Variants in PHEX observed in about 807,000 individuals in gnomAD.
PHEX encodes phosphate regulating endopeptidase X-linked.
PHEX carries 16 observed loss-of-function variants against 68.0 expected under a neutral mutation model. The observed-to-expected ratio is 0.24, with a 90% confidence interval of 0.16 to 0.36. The LOEUF (loss-of-function observed/expected upper bound fraction) is 0.36, where lower values mean the gene tolerates loss of function less well. Among genes scored for constraint, PHEX ranks in the 10% least tolerant of loss-of-function variants. The probability of loss-of-function intolerance (pLI) is 1.00; values close to 1 mark genes in which losing one functional copy is unlikely to be tolerated. For missense variants in PHEX, 480 were observed against 575.5 expected (o/e 0.83, Z 1.70); for synonymous variants, 208 against 205.1 (o/e 1.01, Z -0.12).
At chrX:22,046,181 A>G (rs1001369288) in intron 2 of PHEX, among the ~76,000 whole-genome samples, 22 of 111,873 alleles carry the variant, frequency 2.0e-4, no homozygotes, top group African/African-American at 7.1e-4. Flanking sequence ...GTTCTTCTCT[A>G]TGTGTCCTCT....
chrX:22,211,929 G>A (rs1934939406), intron 15 of PHEX, among the ~76,000 whole-genome samples: 1 of 111,872 alleles, frequency 8.9e-6, no homozygotes, highest in Non-Finnish European at 1.9e-5. Context: ...CATGAGAACA[G>A]TATGGGGGAA....
intron 15 of PHEX, among the ~76,000 whole-genome samples, chrX:22,211,944 C>T (rs751251359): frequency 8.2e-4 from 92 of 111,669 alleles, no homozygotes; most frequent in African/African-American, 2.3e-3. Context: ...GGGGAAACCG[C>T]GCCCATGATT....
intron 12 of PHEX, among the ~76,000 whole-genome samples, chrX:22,140,917 C>CTT (rs11294508): frequency 2.0e-5 from 2 of 100,013 alleles, no homozygotes; most frequent in Non-Finnish European, 2.0e-5. Flanking sequence ...GAGGTAGGTA[C>CTT]TTTTTTTTTT....
chrX:22,105,359 T>G (rs931266611), intron 9 of PHEX, among the ~76,000 whole-genome samples: 2 of 112,354 alleles, frequency 1.8e-5, no homozygotes, highest in African/African-American at 6.5e-5. Context: ...CTGACACGCC[T>G]CAGAATCCCC....
chrX:22,050,583 A>C (rs896980301), intron 3 of PHEX, among the ~76,000 whole-genome samples: 1 of 109,371 alleles, frequency 9.1e-6, no homozygotes, highest in African/African-American at 3.3e-5. Context: ...GAAAAAAAAA[A>C]AAAAAAAAAA....
intron 15 of PHEX, among the ~76,000 whole-genome samples, chrX:22,200,588 G>A (rs973438619): frequency 2.7e-5 from 3 of 111,041 alleles, no homozygotes; most frequent in Admixed American, 9.6e-5. Flanking sequence ...CAGTCTGGGT[G>A]ACAGAGTGAG....
chrX:22,218,903 G>T, intron 16 of PHEX, 133 bp from the exon 17 acceptor site: 1 of 496,260 alleles, frequency 2.0e-6, no homozygotes, highest in Non-Finnish European at 3.6e-6. Context: ...AGCTTTATGG[G>T]TATGGTTATT....
chrX:22,101,163 G>A (rs755460905), intron 9 of PHEX, among the ~76,000 whole-genome samples: 30 of 111,761 alleles, frequency 2.7e-4, no homozygotes, highest in Admixed American at 6.7e-4. Flanking sequence ...GTGACATAGC[G>A]AGACTCTGTC....
At position 22,226,522 on chromosome X, in the gene PHEX, C is replaced by A. The variant is rs746795063; in HGVS notation, c.1965+14C>A. Reference sequence around the variant, plus strand: ...GAAGCTTTTAGGGTATGCGCTGCTACATTTACCGTGGTTCTAAAAATCAAG... The same window carrying A: ...GAAGCTTTTAGGGTATGCGCTGCTAAATTTACCGTGGTTCTAAAAATCAAG... On this transcript the variant is annotated intron_variant, in intron 19 of 21. Coordinates refer to ENST00000379374, the MANE Select transcript of PHEX (RefSeq NM_000444.6). 5.5e-5 allele frequency: 64 copies of A among 1,171,878 alleles called. No homozygotes were observed. Among genetic ancestry groups the A allele is most frequent in the Non-Finnish European group, 7.0e-5 (60 of 862,100 alleles).
chrX:22,055,413 A>T (rs1341051381), intron 3 of PHEX, among the ~76,000 whole-genome samples: 2 of 109,480 alleles, frequency 1.8e-5, no homozygotes, highest in East Asian at 2.9e-4. Flanking sequence ...AAATATAGAA[A>T]TTTTTTTTTC....
intron 13 of PHEX, chrX:22,172,453 G>A (rs1425695725): frequency 9.0e-6 from 1 of 111,616 alleles, no homozygotes; most frequent in Non-Finnish European, 1.9e-5. Context: ...CGACTCCTGT[G>A]TCTAGGGTCA....
rs753009030 is a variant in PHEX, at chrX:22,175,060, C to G, written c.1483-3213C>G. On this transcript the variant is annotated intron_variant, in intron 13 of 21. Transcript: ENST00000379374. ...AACAGTGACTGGCCCCTGCCTACCC[C>G]CAAACACTTAACCTGTCTCAAGGAA... Among the ~76,000 whole-genome samples, 4 of 111,780 alleles carry G rather than the reference C, an allele frequency of 3.6e-5. No homozygotes were observed. The South Asian group carries it at 1.5e-3, about 43-fold the overall frequency.
chrX:22,180,792 A>C (rs192984483), intron 14 of PHEX, among the ~76,000 whole-genome samples: 2 of 98,046 alleles, frequency 2.0e-5, no homozygotes, highest in East Asian at 5.6e-4. Flanking sequence ...GCCTCATTCT[A>C]CTCTCTATCT....
At chrX:22,118,787 A>G (rs1227905143) in intron 11 of PHEX, among the ~76,000 whole-genome samples, 1 of 110,858 alleles carries the variant, frequency 9.0e-6, no homozygotes, top group Admixed American at 9.6e-5. Flanking sequence ...GACTTCCTAC[A>G]TCCAACTGTG....
At position 22,221,646 on chromosome X, in the gene PHEX, C is replaced by G. The variant is rs1324928504; in HGVS notation, c.1802C>G (p.Pro601Arg). The change falls in exon 18 of 22, where the codon CCT becomes CGT. Residue 601 changes from proline (P) to arginine (R), a missense_variant. By Grantham distance (103) the Pro-to-Arg change is moderately radical. Transcript: ENST00000379374. ...TATGATAAAAATGGAAACCTGGATC[C>G]TTGGTGGTCTACTGAATCAGAAGAA... is the stretch of plus-strand genomic sequence containing the variant. ...RKYDKNGNLD[P>R]WWSTESEEKF... is the part of the protein sequence containing the mutation. 8.4e-7 allele frequency: 1 copy of G among 1,197,359 alleles called. No homozygotes were observed. Among genetic ancestry groups the G allele is most frequent in the Non-Finnish European group, 1.1e-6 (1 of 883,625 alleles).
At chrX:22,081,399 G>A (rs1276676701) in intron 5 of PHEX, among the ~76,000 whole-genome samples, 1 of 111,751 alleles carries the variant, frequency 8.9e-6, no homozygotes, top group Admixed American at 9.5e-5. Flanking sequence ...TTTGCTGCTT[G>A]AAAGATCCTC....
intron 2 of PHEX, among the ~76,000 whole-genome samples, chrX:22,040,834 A>G (rs1000344996): frequency 9.1e-6 from 1 of 109,769 alleles, no homozygotes; most frequent in African/African-American, 3.3e-5. Flanking sequence ...GAAAGAGAAT[A>G]CATCTTAGGA....
At chrX:22,213,035 A>C in intron 16 of PHEX, 77 bp downstream of exon 16, 1 of 790,017 alleles carries the variant, frequency 1.3e-6, no homozygotes, top group East Asian at 3.1e-5. Context: ...CAGAAGAAAC[A>C]AAGTCAAAGG....
rs182272967 is a variant in PHEX, at chrX:22,227,160, A to G, written c.1966-347A>G. ...TTTCTCTTACGTGTCAAAATGAAAA[A>G]AGGTAATATGCGGACCCCAAAATGT... is the stretch of plus-strand genomic sequence containing the variant. On this transcript the variant is annotated intron_variant, in intron 19 of 21. Transcript: ENST00000379374. Among the ~76,000 whole-genome samples the G allele has an allele frequency of 6.2e-5, 7 of 112,643 alleles. No individual in the cohort carries two copies. In the East Asian group the frequency reaches 1.7e-3, roughly 27 times the overall value.
Sources: gnomAD v4.1 joint callset for allele counts (sites outside exome capture counted in the v4.1 genomes callset) on GRCh38, gnomAD v4.1.1 for gene constraint, MANE v1.5 for transcripts, NCBI Gene and HGNC (gene_info 2026-07-23, HGNC 2026-07-21) for gene names.